Variants in CFAP276 observed in about 807,000 individuals in gnomAD.
The protein encoded by CFAP276 is cilia and flagella associated protein 276, also known as cilia- and flagella-associated protein 276.
the CFAP276 span, among the ~76,000 whole-genome samples, chr1:109,110,746 A>G: frequency 2.6e-4 from 40 of 152,278 alleles, no homozygotes; most frequent in East Asian, 5.8e-3. Context: ...TTCAATCCAG[A>G]ACTCTCAATC....
At chr1:109,113,465 A>AGG in the CFAP276 span, among the ~76,000 whole-genome samples, 1 of 132,144 alleles carries the variant, frequency 7.6e-6, no homozygotes, top group Non-Finnish European at 1.6e-5. Context: ...AGAGAGAGAG[A>AGG]GAGGCCCACG....
chr1:109,108,439 G>A, the CFAP276 span, among the ~76,000 whole-genome samples: 12 of 152,078 alleles, frequency 7.9e-5, no homozygotes, highest in Non-Finnish European at 1.2e-4. Flanking sequence ...CATCATGCCC[G>A]GCCCCATCTA....
the CFAP276 span, chr1:109,107,126 C>T: frequency 1.2e-5 from 20 of 1,612,390 alleles, no homozygotes; most frequent in Non-Finnish European, 1.6e-5. Flanking sequence ...TTGGTATCTA[C>T]AGAAGTCAGT....
the CFAP276 span, chr1:109,108,013 G>A: frequency 6.2e-7 from 1 of 1,608,828 alleles, no homozygotes; most frequent in Non-Finnish European, 8.5e-7. Flanking sequence ...TGAGCAAGGT[G>A]TGTTGGGTTC....
the CFAP276 span, among the ~76,000 whole-genome samples, chr1:109,108,501 A>G: frequency 2.6e-5 from 4 of 152,088 alleles, no homozygotes; most frequent in East Asian, 7.7e-4. Context: ...ATGGGGCAAG[A>G]CTCCCCAGGC....
the CFAP276 span, chr1:109,107,897 G>A: frequency 5.1e-6 from 8 of 1,558,136 alleles, no homozygotes; most frequent in Admixed American, 6.9e-5. Flanking sequence ...CTGCAAAGAG[G>A]AATAATATTT....
the CFAP276 span, among the ~76,000 whole-genome samples, chr1:109,111,328 G>A: frequency 1.2e-4 from 18 of 152,134 alleles, no homozygotes; most frequent in Non-Finnish European, 1.2e-4. Flanking sequence ...AGAATTAGCC[G>A]GGTGTGGTGG....
chr1:109,107,271 AT>A, the CFAP276 span: 1 of 639,020 alleles, frequency 1.6e-6, no homozygotes, highest in South Asian at 1.9e-5. Context: ...AAATTGTTGT[AT>A]ATGATAACTC....
At chr1:109,113,822 C>A in the CFAP276 span, 1 of 866,864 alleles carries the variant, frequency 1.2e-6, no homozygotes, top group South Asian at 1.7e-5. Flanking sequence ...GAGCCCCGGG[C>A]CTGCCTGTTG....
the CFAP276 span, chr1:109,106,530 C>G: frequency 6.2e-7 from 1 of 1,613,780 alleles, no homozygotes; most frequent in South Asian, 1.1e-5. Flanking sequence ...TCCTCTAACC[C>G]TTACCTATGG....
chr1:109,107,725 C>CAAAAAA, the CFAP276 span, among the ~76,000 whole-genome samples: 13,316 of 143,226 alleles, frequency 0.093, 1,302 homozygotes, highest in African/African-American at 0.26. Context: ...CTCATCTCTT[C>CAAAAAA]AAAAAAAAAA....
chr1:109,106,222 G>A, the CFAP276 span: 51 of 845,376 alleles, frequency 6.0e-5, no homozygotes, highest in Non-Finnish European at 7.1e-5. Flanking sequence ...TGGGAAAACC[G>A]GCATATGGAG....
At chr1:109,109,533 C>CT in the CFAP276 span, among the ~76,000 whole-genome samples, 4,147 of 114,916 alleles carry the variant, frequency 0.036, 322 homozygotes, top group African/African-American at 0.079. Flanking sequence ...TGAGCCATAC[C>CT]TTTTTTTTTT....
At chr1:109,107,887 C>T in the CFAP276 span, 104 of 1,521,864 alleles carry the variant, frequency 6.8e-5, no homozygotes, top group South Asian at 5.7e-4. Flanking sequence ...CCCTAAACGG[C>T]TGCAAAGAGG....
chr1:109,108,188 G>C, the CFAP276 span: 2 of 665,974 alleles, frequency 3.0e-6, no homozygotes, highest in East Asian at 5.0e-5. Flanking sequence ...TGTCATAGAA[G>C]CTGGAGTGCA....
At chr1:109,113,132 G>A in the CFAP276 span, among the ~76,000 whole-genome samples, 1 of 152,134 alleles carries the variant, frequency 6.6e-6, no homozygotes, top group African/African-American at 2.4e-5. Flanking sequence ...GTTCACGCCT[G>A]TAATCTCAGC....
chr1:109,108,438 C>T, the CFAP276 span, among the ~76,000 whole-genome samples: 18 of 152,144 alleles, frequency 1.2e-4, no homozygotes, highest in African/African-American at 3.9e-4. Flanking sequence ...CCATCATGCC[C>T]GGCCCCATCT....
At chr1:109,113,467 A>AGAGAGAGGGG in the CFAP276 span, among the ~76,000 whole-genome samples, 4 of 126,318 alleles carry the variant, frequency 3.2e-5, no homozygotes, top group Non-Finnish European at 5.1e-5. Context: ...AGAGAGAGAG[A>AGAGAGAGGGG]GGCCCACGTG....
chr1:109,106,567 T>A, the CFAP276 span: 1 of 1,613,976 alleles, frequency 6.2e-7, no homozygotes, highest in Non-Finnish European at 8.5e-7. Context: ...GATGGACTCC[T>A]TTTTAGGGTT....
Sources: allele counts gnomAD v4.1 joint callset (sites outside exome capture counted in the v4.1 genomes callset), GRCh38; gene constraint gnomAD v4.1.1; transcripts MANE v1.5; gene names NCBI Gene and HGNC (gene_info 2026-07-23, HGNC 2026-07-21).